Variants in FA2H observed in about 807,000 individuals in gnomAD.
FA2H encodes fatty acid 2-hydroxylase, also known as fatty acid alpha-hydroxylase.
In FA2H, 22 loss-of-function variants were observed where a neutral mutation model predicts 44.9. The observed-to-expected ratio is 0.49, with a 90% CI of 0.35 to 0.70. The LOEUF is 0.70. Ranked by LOEUF, FA2H falls within the 30% of genes least tolerant of loss-of-function variation. FA2H has a pLI of 0.01. For synonymous variants in FA2H, 243 were observed against 213.2 expected, an observed-to-expected ratio of 1.14 and a Z score of -1.22; for missense variants, 501 against 504.9, an observed-to-expected ratio of 0.99 and a Z score of 0.07.
chr16:74,773,026 C>A (rs1962936361), intron 1 of FA2H, among the ~76,000 whole-genome samples: 1 of 152,094 alleles, frequency 6.6e-6, no homozygotes, highest in Non-Finnish European at 1.5e-5. Context: ...TAGCCACATG[C>A]CACCACACCC....
In FA2H at chr16:74,714,071, G is replaced by A. The variant is rs1009828112; in HGVS notation, c.*119C>T. The A allele has an allele frequency of 5.8e-6, 4 of 688,752 alleles. No individual in the cohort carries two copies. The highest frequency in any genetic ancestry group is 2.7e-5 in the East Asian group (1 of 36,762). The allele number at this position is 688,752 out of a possible 1,614,324, so 42.7% of individuals were successfully genotyped here. Reference sequence around the variant, plus strand: ...TCAGCACCTTCCACTAGGCTGCAGGGCCGGACACAGCCCATCCTGCCTGGC... The same window carrying A: ...TCAGCACCTTCCACTAGGCTGCAGGACCGGACACAGCCCATCCTGCCTGGC... On this transcript the variant is annotated 3_prime_UTR_variant, in exon 7 of 7. Coordinates refer to ENST00000219368, the MANE Select transcript of FA2H (RefSeq NM_024306.5).
intron 2 of FA2H, among the ~76,000 whole-genome samples, chr16:74,728,815 G>A (rs1277588445): frequency 4.4e-5 from 5 of 113,328 alleles, no homozygotes; most frequent in Non-Finnish European, 8.3e-5. Flanking sequence ...ACAGAGTCTC[G>A]TTCTGTCGCC....
rs999210239 is a variant in FA2H at position 74,739,378 on chromosome 16, C to A, written c.363+645G>T. ...CCTCCAGTGACCCCCTCCAGTGACC[C>A]CTCCAGGCAAAGCTGCTTCTCCCCT... is the stretch of plus-strand genomic sequence containing the variant. On this transcript the variant is annotated intron_variant, in intron 2 of 6. Transcript: ENST00000219368. Among the ~76,000 whole-genome samples the A allele has an allele frequency of 5.3e-5, 8 of 152,168 alleles. No individual in the cohort carries two copies. The South Asian group carries it at 1.7e-3, about 32-fold the overall frequency.
At chr16:74,729,118 C>T (rs527798846) in intron 2 of FA2H, among the ~76,000 whole-genome samples, 1 of 148,872 alleles carries the variant, frequency 6.7e-6, no homozygotes, top group Non-Finnish European at 1.5e-5. Flanking sequence ...TCAAGTGATT[C>T]CCCTGCCTCA....
chr16:74,725,124 G>A (rs536482919), intron 4 of FA2H, among the ~76,000 whole-genome samples: 11 of 152,254 alleles, frequency 7.2e-5, no homozygotes, highest in Non-Finnish European at 1.6e-4. Flanking sequence ...GATGCCTGCA[G>A]TAACCCTCGG....
At chr16:74,754,588 C>T (rs1229150016) in intron 1 of FA2H, among the ~76,000 whole-genome samples, 6 of 151,710 alleles carry the variant, frequency 4.0e-5, no homozygotes, top group Admixed American at 2.0e-4. Context: ...AATGCATTGA[C>T]GTGATCTCAG....
intron 5 of FA2H, among the ~76,000 whole-genome samples, chr16:74,718,594 T>A (rs114202643): frequency 6.6e-6 from 1 of 152,258 alleles, no homozygotes; most frequent in East Asian, 1.9e-4. Context: ...GGGAGAACCA[T>A]GGGGCTGTTT....
At chr16:74,740,605 C>T (rs1023482501) in intron 1 of FA2H, among the ~76,000 whole-genome samples, 8 of 142,956 alleles carry the variant, frequency 5.6e-5, no homozygotes, top group Non-Finnish European at 7.5e-5. Flanking sequence ...GACGACAGAG[C>T]AAGACTCCAT....
chr16:74,759,707 C>G (rs997425297), intron 1 of FA2H, among the ~76,000 whole-genome samples: 1 of 152,236 alleles, frequency 6.6e-6, no homozygotes, highest in African/African-American at 2.4e-5. Context: ...GCCATGCTGG[C>G]TGGAAGGCGA....
intron 1 of FA2H, among the ~76,000 whole-genome samples, chr16:74,762,819 C>T (rs1226355885): frequency 6.6e-6 from 1 of 152,198 alleles, no homozygotes; most frequent in Non-Finnish European, 1.5e-5. Context: ...TGAGCCACTG[C>T]ACCCGGCCTA....
intron 3 of FA2H, among the ~76,000 whole-genome samples, chr16:74,727,019 G>A (rs936719272): frequency 3.3e-5 from 5 of 152,204 alleles, no homozygotes; most frequent in African/African-American, 1.2e-4. Context: ...GACCAGAGGT[G>A]GCATTCAATG....
intron 1 of FA2H, among the ~76,000 whole-genome samples, chr16:74,750,760 A>ACT (rs200741477): frequency 0.015 from 336 of 23,056 alleles, no homozygotes; most frequent in African/African-American, 0.057. Flanking sequence ...CTTTTTTTTC[A>ACT]CTGTGTGTGT....
chr16:74,737,439 G>A (rs1962203832), intron 2 of FA2H, among the ~76,000 whole-genome samples: 1 of 152,176 alleles, frequency 6.6e-6, no homozygotes, highest in Admixed American at 6.5e-5. Context: ...GAGCCCAAAA[G>A]TAAGACCATC....
chr16:74,713,292 A>C lies in FA2H; in HGVS notation c.*898T>G, dbSNP rs1418414530. 1 of 152,628 alleles carries C rather than the reference A, an allele frequency of 6.6e-6. No homozygotes were observed. The highest frequency in any genetic ancestry group is 1.5e-5 in the Non-Finnish European group (1 of 68,038). 9.5% of individuals were successfully genotyped at this position (152,628 alleles called of 1,614,324 possible). On this transcript the variant is annotated 3_prime_UTR_variant, in exon 7 of 7. Transcript: ENST00000219368. Reference sequence around the variant, plus strand: ...AACATGTATCTGGTTTATAAATAAGACCGTCCTGGGAGCAGTGAGGGTTTT... The same window carrying C: ...AACATGTATCTGGTTTATAAATAAGCCCGTCCTGGGAGCAGTGAGGGTTTT...
chr16:74,763,868 T>C (rs551668947), intron 1 of FA2H, among the ~76,000 whole-genome samples: 2 of 152,392 alleles, frequency 1.3e-5, no homozygotes, highest in African/African-American at 4.8e-5. Flanking sequence ...AAATACTTTC[T>C]ATGCATCAGA....
Position 74,719,884 on chromosome 16 carries a change from C to A in FA2H, c.614-724G>T, listed in dbSNP as rs577854014. Among the ~76,000 whole-genome samples, 4 of 151,716 alleles carry A rather than the reference C, an allele frequency of 2.6e-5. No homozygotes were observed. The East Asian group carries it at 7.8e-4, about 29-fold the overall frequency. On this transcript the variant is annotated intron_variant, in intron 4 of 6. Coordinates refer to ENST00000219368, the MANE Select transcript of FA2H (RefSeq NM_024306.5). ...AGGGTGTTAATGATGGGAAGTGTGA[C>A]CCACCAGGGACCATGGGGCAGGAAG... is the stretch of plus-strand genomic sequence containing the variant.
At chr16:74,717,500 A>C (rs1961733315) in intron 5 of FA2H, among the ~76,000 whole-genome samples, 1 of 152,228 alleles carries the variant, frequency 6.6e-6, no homozygotes, top group Non-Finnish European at 1.5e-5. Context: ...CAATTCCTGC[A>C]GTGTGAAAAC....
rs1321554097 is a variant in FA2H at position 74,716,510 on chromosome 16, C to T, written c.876G>A (p.Leu292=). 1.9e-6 allele frequency: 3 copies of T among 1,613,372 alleles called. No homozygotes were observed. Among genetic ancestry groups the T allele is most frequent in the Non-Finnish European group, 2.5e-6 (3 of 1,179,794 alleles). ...ACACAGTGCCCCCTACTGCCTCGGG[C>T]AGGATGAGCTGCATGCACAAGTAGA... The part of the protein sequence containing the change: ...GVFYLCMQLI[L]PEAVGGTVFA... The change falls in exon 6 of 7, where the codon CTG becomes CTA. Residue 292 remains leucine (L), a synonymous_variant. Coordinates refer to ENST00000219368, the MANE Select transcript of FA2H (RefSeq NM_024306.5).
intron 6 of FA2H, among the ~76,000 whole-genome samples, chr16:74,715,879 A>C (rs1386622139): frequency 6.7e-6 from 1 of 150,346 alleles, no homozygotes; most frequent in Non-Finnish European, 1.5e-5. Context: ...GCAGTGGTGC[A>C]ATCTTAGCTC....
Sources: allele counts gnomAD v4.1 joint callset (sites outside exome capture counted in the v4.1 genomes callset), GRCh38; gene constraint gnomAD v4.1.1; transcripts MANE v1.5; gene names NCBI Gene and HGNC (gene_info 2026-07-23, HGNC 2026-07-21).